Variants in TENM3 observed in about 807,000 individuals in gnomAD.
TENM3 encodes teneurin transmembrane protein 3.
In TENM3, 63 loss-of-function variants were observed where a neutral mutation model predicts 255.1. The ratio of observed to expected loss-of-function variants is 0.25; its 90% CI spans 0.20 to 0.30. The LOEUF (loss-of-function observed/expected upper bound fraction) is 0.30. Ranked by LOEUF, TENM3 falls within the 10% of genes least tolerant of loss-of-function variation. The probability of loss-of-function intolerance (pLI) is 1.00; values close to 1 mark genes in which losing one functional copy is unlikely to be tolerated. For missense variants in TENM3, 2,929 were observed against 3,461.1 expected, an observed-to-expected ratio of 0.85 and a Z score of 3.86; for synonymous variants, 1,306 against 1,322.3, an observed-to-expected ratio of 0.99 and a Z score of 0.27.
chr4:182,456,205 TGA>T (rs1282164140), intron 3 of TENM3, among the ~76,000 whole-genome samples: 18 of 152,370 alleles, frequency 1.2e-4, no homozygotes, highest in African/African-American at 4.3e-4. Flanking sequence ...CTGATAAGGC[TGA>T]GTATCCCTGT....
chr4:182,800,357 G>C lies in TENM3; in HGVS notation c.*6G>C. 6.6e-7 allele frequency: 1 copy of C among 1,526,636 alleles called. No homozygotes were observed. The highest frequency in any genetic ancestry group is 2.5e-5 in the East Asian group (1 of 40,816). 94.6% of individuals were successfully genotyped at this position (1,526,636 alleles called of 1,614,324 possible). Reference sequence around the variant, plus strand: ...GCGAGATCGGCAGGAGGTAACGCCCGGGCCGCGCCCGCCGAGCCGCTCACG... The same window carrying C: ...GCGAGATCGGCAGGAGGTAACGCCCCGGCCGCGCCCGCCGAGCCGCTCACG... On this transcript the variant is annotated 3_prime_UTR_variant, in exon 28 of 28. Transcript: ENST00000511685.
intron 3 of TENM3, among the ~76,000 whole-genome samples, chr4:182,357,417 G>C (rs1765630472): frequency 6.6e-6 from 1 of 152,182 alleles, no homozygotes; most frequent in South Asian, 2.1e-4. Context: ...ATTCTAACTG[G>C]TGTGAGATGA....
the TENM3 span, among the ~76,000 whole-genome samples, chr4:181,888,536 GTATA>G: frequency 7.2e-5 from 5 of 69,790 alleles, 2 homozygotes; most frequent in African/African-American, 2.5e-4. Context: ...ACATATATGT[GTATA>G]TATATATATG....
chr4:181,518,062 G>A, the TENM3 span, among the ~76,000 whole-genome samples: 1 of 152,128 alleles, frequency 6.6e-6, no homozygotes, highest in Non-Finnish European at 1.5e-5. Flanking sequence ...AATTTAAAGT[G>A]ACATGGGAGT....
chr4:181,844,563 G>A, the TENM3 span, among the ~76,000 whole-genome samples: 1 of 152,020 alleles, frequency 6.6e-6, no homozygotes, highest in East Asian at 2.0e-4. Flanking sequence ...AGCTACTCGG[G>A]AGGCTGAGGC....
chr4:182,773,278 G>A (rs758423711), intron 22 of TENM3, among the ~76,000 whole-genome samples, 194 bp from the exon 23 acceptor site: 14 of 152,300 alleles, frequency 9.2e-5, no homozygotes, highest in East Asian at 5.8e-4. Context: ...TGTTCTCACC[G>A]GTGAGGTTTT....
rs187164104 is a variant in TENM3 at position 182,167,021 on chromosome 4, G to T, written c.-76+22267G>T. The stretch of plus-strand genomic sequence containing the variant: ...ATTGAAGTGGGCTACCTATAAGATA[G>T]AGTTAATCTAATGTGGGTTTTGGTG... On this transcript the variant is annotated intron_variant, in intron 1 of 2. Coordinates refer to the TENM3 transcript ENST00000512480. 1.4e-3 allele frequency among the ~76,000 whole-genome samples: 209 copies of T among 152,294 alleles called. 3 individuals carry two copies. The highest frequency in any genetic ancestry group is 0.014 in the Middle Eastern group (4 of 294).
At chr4:182,728,522 T>C (rs1233655813) in intron 13 of TENM3, among the ~76,000 whole-genome samples, 1 of 152,314 alleles carries the variant, frequency 6.6e-6, no homozygotes, top group African/African-American at 2.4e-5. Flanking sequence ...TGTCACATAC[T>C]GATGGGGATA....
chr4:182,748,054 T>C (rs1329491658), intron 19 of TENM3, among the ~76,000 whole-genome samples: 1 of 152,200 alleles, frequency 6.6e-6, no homozygotes, highest in Non-Finnish European at 1.5e-5. Flanking sequence ...GAAGGTTGAA[T>C]TATGACAAAA....
At chr4:181,889,469 C>G in the TENM3 span, among the ~76,000 whole-genome samples, 3 of 152,284 alleles carry the variant, frequency 2.0e-5, no homozygotes, top group African/African-American at 7.2e-5. Context: ...AATTACCCAG[C>G]CTCGGGTATT....
intron 3 of TENM3, among the ~76,000 whole-genome samples, chr4:182,586,269 A>G (rs1281466367): frequency 6.6e-6 from 1 of 152,182 alleles, no homozygotes; most frequent in Non-Finnish European, 1.5e-5. Flanking sequence ...AGAGGCACAA[A>G]AAAGCCTTAG....
At chr4:182,648,334 A>T (rs1191191556) in intron 5 of TENM3, among the ~76,000 whole-genome samples, 1 of 148,214 alleles carries the variant, frequency 6.7e-6, no homozygotes, top group Non-Finnish European at 1.5e-5. Flanking sequence ...CCCAGGCTGG[A>T]GTGCAGTGGC....
At chr4:182,005,500 C>T in the TENM3 span, among the ~76,000 whole-genome samples, 3 of 152,136 alleles carry the variant, frequency 2.0e-5, no homozygotes, top group Admixed American at 6.5e-5. Context: ...AGTCAGGTAG[C>T]GTGATGTCTC....
the TENM3 span, among the ~76,000 whole-genome samples, chr4:182,047,547 C>T: frequency 3.8e-5 from 4 of 106,002 alleles, no homozygotes; most frequent in South Asian, 6.7e-4. Context: ...GGTGACAGAA[C>T]GAGACTCCAT....
chr4:182,344,401 G>A (rs969211108), intron 2 of TENM3, among the ~76,000 whole-genome samples: 11 of 152,110 alleles, frequency 7.2e-5, no homozygotes, highest in Non-Finnish European at 5.9e-5. Flanking sequence ...GAGGGAAGTC[G>A]ATGGAGGGAA....
chr4:181,832,406 T>G, the TENM3 span, among the ~76,000 whole-genome samples: 1 of 152,302 alleles, frequency 6.6e-6, no homozygotes, highest in Non-Finnish European at 1.5e-5. Context: ...CTAACTAGCT[T>G]AAAGCATAAG....
the TENM3 span, among the ~76,000 whole-genome samples, chr4:182,018,647 G>A: frequency 6.6e-6 from 1 of 152,082 alleles, no homozygotes; most frequent in African/African-American, 2.4e-5. Context: ...TTGATAAAGT[G>A]ATCTTTCCTT....
chr4:182,670,346 A>T (rs1312921122), intron 6 of TENM3, among the ~76,000 whole-genome samples: 2 of 152,182 alleles, frequency 1.3e-5, no homozygotes, highest in African/African-American at 2.4e-5. Context: ...AATAGACCTG[A>T]TAGCTACCAT....
intron 3 of TENM3, among the ~76,000 whole-genome samples, chr4:182,518,019 C>T (rs1305993806): frequency 2.6e-5 from 4 of 152,120 alleles, no homozygotes; most frequent in Non-Finnish European, 4.4e-5. Flanking sequence ...TCCCTAGATC[C>T]TCTTTTTCTT....
Sources: gnomAD v4.1 joint callset for allele counts (sites outside exome capture counted in the v4.1 genomes callset) on GRCh38, gnomAD v4.1.1 for gene constraint, MANE v1.5 for transcripts, NCBI Gene and HGNC (gene_info 2026-07-23, HGNC 2026-07-21) for gene names.